Variants in STAMBP observed in about 807,000 individuals in gnomAD.
The protein encoded by STAMBP is STAM-binding protein.
In STAMBP, 31 loss-of-function variants were observed where a neutral mutation model predicts 50.7. The ratio of observed to expected loss-of-function variants is 0.61; its 90% CI spans 0.46 to 0.83. STAMBP has a LOEUF of 0.83. STAMBP is among the 40% of genes least tolerant of loss of function. The pLI is 0.00. For synonymous variants in STAMBP, 211 were observed against 192.4 expected (o/e 1.10, Z -0.80); for missense variants, 472 against 518.9 (o/e 0.91, Z 0.88).
At position 73,865,034 on chromosome 2, in the gene STAMBP, C is replaced by T. The variant is rs1224441981; in HGVS notation, c.*2775C>T. On this transcript the variant is annotated 3_prime_UTR_variant, in exon 10 of 10. Transcript: ENST00000394070. Reference sequence around the variant, plus strand: ...GAGAAACATTCCCTTGGGCCAGTGTCATGGTGGATTTTCTTGCTTGAGAGG... The same window carrying T: ...GAGAAACATTCCCTTGGGCCAGTGTTATGGTGGATTTTCTTGCTTGAGAGG... The T allele has an allele frequency of 6.6e-6, 1 of 152,242 alleles. No individual in the cohort carries two copies. Among genetic ancestry groups the T allele is most frequent in the Non-Finnish European group, 1.5e-5 (1 of 68,048 alleles). The allele number at this position is 152,242 out of a possible 1,614,324, so 9.4% of individuals were successfully genotyped here. A position where few individuals can be genotyped will look rare whatever the true frequency, so the allele number is the denominator to read the frequency against.
At chr2:73,869,424 A>G (rs544727289), downstream of STAMBP, among the ~76,000 whole-genome samples, 2 of 152,356 alleles carry the variant, frequency 1.3e-5, no homozygotes, top group South Asian at 4.1e-4. Flanking sequence ...TGAGAGAAAG[A>G]CAATGTTTTA....
rs1674421436 is a variant in STAMBP, at chr2:73,834,239, ATATATATATAT to A, written c.203+3181_203+3191del. On this transcript the variant is annotated intron_variant, in intron 2 of 9. Coordinates refer to ENST00000394070, the MANE Select transcript of STAMBP (RefSeq NM_213622.4). The stretch of plus-strand genomic sequence containing the variant: ...AAAAAAAAAAAAAAAAAAAAAAAAT[ATATATATATAT>A]ATATATATATATATATATATATATA... 8.2e-3 allele frequency among the ~76,000 whole-genome samples: 127 copies of A among 15,526 alleles called. 1 individual carries two copies. Among genetic ancestry groups the A allele is most frequent in the Middle Eastern group, 0.11 (2 of 18 alleles). 10.2% of individuals were successfully genotyped at this position (15,526 alleles called of 152,430 possible).
At chr2:73,849,256 G>C in intron 5 of STAMBP, 107 bp from the exon 6 acceptor site, 1 of 1,551,160 alleles carries the variant, frequency 6.4e-7, no homozygotes, top group Non-Finnish European at 8.8e-7. Context: ...CTGAAGTTGG[G>C]GGAATCCCAG....
chr2:73,873,089 C>T (rs1679263320), intron 10 of STAMBP, among the ~76,000 whole-genome samples: 1 of 152,130 alleles, frequency 6.6e-6, no homozygotes, highest in South Asian at 2.1e-4. Flanking sequence ...GCAACATAGT[C>T]CAGCTGAGAC....
intron 2 of STAMBP, among the ~76,000 whole-genome samples, chr2:73,839,126 T>C (rs1412148883): frequency 6.6e-6 from 1 of 152,232 alleles, no homozygotes; most frequent in Non-Finnish European, 1.5e-5. Flanking sequence ...GTGGATACTT[T>C]CTTTACTTCA....
intron 1 of STAMBP, among the ~76,000 whole-genome samples, chr2:73,829,965 TG>T (rs1398426299): frequency 6.6e-6 from 1 of 152,252 alleles, no homozygotes; most frequent in Non-Finnish European, 1.5e-5. Context: ...TAGAGCATAC[TG>T]ATTAGGGTTT....
downstream of STAMBP, among the ~76,000 whole-genome samples, chr2:73,867,852 C>T (rs961616261): frequency 6.6e-6 from 1 of 151,960 alleles, no homozygotes; most frequent in Admixed American, 6.6e-5. Context: ...TGGCCAGGTG[C>T]GGTGGCTTAC....
chr2:73,837,630 A>G (rs1346862476), intron 2 of STAMBP, among the ~76,000 whole-genome samples: 2 of 151,572 alleles, frequency 1.3e-5, no homozygotes, highest in Non-Finnish European at 2.9e-5. Context: ...TTAATACAGA[A>G]GAATATATCA....
At position 73,830,881 on chromosome 2, in the gene STAMBP, C is replaced by T; in HGVS notation, c.25C>T (p.Leu9Phe). Residue 9 changes from leucine (L) to phenylalanine (F), a missense_variant, in exon 2 of 10, where the codon CTC becomes TTC. Transcript: ENST00000394070. ...GATGTCTGACCATGGAGATGTGAGCCTCCCGCCCGAAGACCGGGTGAGGGC... is the reference window on the plus strand; with the variant it reads ...GATGTCTGACCATGGAGATGTGAGCTTCCCGCCCGAAGACCGGGTGAGGGC... MSDHGDVS[L>F]PPEDRVRALS... The T allele has an allele frequency of 8.1e-6, 13 of 1,613,428 alleles. No homozygotes were observed. The highest frequency in any genetic ancestry group is 1.1e-5 in the Non-Finnish European group (13 of 1,179,992).
At chr2:73,840,019 C>G (rs975850139) in intron 2 of STAMBP, among the ~76,000 whole-genome samples, 4 of 152,204 alleles carry the variant, frequency 2.6e-5, no homozygotes, top group African/African-American at 9.6e-5. Flanking sequence ...GCTGCTGTAT[C>G]TAAAATTTCA....
In STAMBP at chr2:73,850,502, G is replaced by T; in HGVS notation, c.994G>T (p.Gly332Cys). ...GGATCAGCAGGGCCTCATCACACTGGGCTGGATTCATGTAAGCAATTCTGA... is the reference window on the plus strand; with the variant it reads ...GGATCAGCAGGGCCTCATCACACTGTGCTGGATTCATGTAAGCAATTCTGA... ...IQDQQGLITLGWIHTHPTQTA... is the reference protein window; with the variant it reads ...IQDQQGLITLCWIHTHPTQTA... Residue 332 changes from glycine (G) to cysteine (C), a missense_variant, in exon 7 of 10, where the codon GGC becomes TGC. Gly to Cys is a radical substitution (Grantham distance 159). Coordinates refer to ENST00000394070, the MANE Select transcript of STAMBP (RefSeq NM_213622.4). The surrounding 1 kb of genome is among the most constrained non-coding windows in gnomAD (Gnocchi z 4.3). 1.9e-6 allele frequency: 3 copies of T among 1,613,216 alleles called. No individual in the cohort carries two copies. Among genetic ancestry groups the T allele is most frequent in the Non-Finnish European group, 2.5e-6 (3 of 1,179,638 alleles).
At position 73,849,400 on chromosome 2, in the gene STAMBP, T is replaced by C; in HGVS notation, c.780T>C (p.Pro260=). 1 of 1,613,910 alleles carries C rather than the reference T, an allele frequency of 6.2e-7. No individual in the cohort carries two copies. The highest frequency in any genetic ancestry group is 8.5e-7 in the Non-Finnish European group (1 of 1,179,954). Residue 260 remains proline (P), a synonymous_variant, in exon 6 of 10, where the codon CCT becomes CCC. Transcript: ENST00000394070. ...TIDGLRHVVV[P]GRLCPQFLQL... Reference sequence around the variant, plus strand: ...ATGGATTGCGCCATGTGGTGGTGCCTGGGCGGCTGTGCCCACAGTTTCTCC... The same window carrying C: ...ATGGATTGCGCCATGTGGTGGTGCCCGGGCGGCTGTGCCCACAGTTTCTCC...
chr2:73,833,169 T>G (rs13425917), intron 2 of STAMBP, among the ~76,000 whole-genome samples: 5,572 of 152,322 alleles, frequency 0.037, 333 homozygotes, highest in African/African-American at 0.12. Context: ...TTTGGCAGGC[T>G]TTAGCCTCCA....
Position 73,862,907 on chromosome 2 carries a change from C to T in STAMBP, c.*648C>T, listed in dbSNP as rs1396618403. On this transcript the variant is annotated 3_prime_UTR_variant, in exon 10 of 10. Transcript: ENST00000394070. ...TTATGTTTTTGTGCTTCAGAGTGAT[C>T]CATTTGATCAAGCATTGTATAAACA... is the stretch of plus-strand genomic sequence containing the variant. The T allele has an allele frequency of 6.6e-6, 1 of 151,640 alleles. No homozygotes were observed. The highest frequency in any genetic ancestry group is 1.5e-5 in the Non-Finnish European group (1 of 67,980). 9.4% of individuals were successfully genotyped at this position (151,640 alleles called of 1,614,324 possible). A position where few individuals can be genotyped will look rare whatever the true frequency, so the allele number is the denominator to read the frequency against.
Position 73,844,861 on chromosome 2 carries a change from C to A in STAMBP, c.252C>A (p.Val84=). The change falls in exon 3 of 10, where the codon GTC becomes GTA. Residue 84 remains valine, a synonymous_variant. Coordinates refer to ENST00000394070, the MANE Select transcript of STAMBP (RefSeq NM_213622.4). ...AACATCGAGATTACAAATCTGCTGT[C>A]ATTCCTGAAAAGAAAGACACAGTAA... ...LPKHRDYKSA[V]IPEKKDTVKK... is the part of the protein sequence containing the mutation. The A allele has an allele frequency of 6.2e-7, 1 of 1,613,998 alleles. No homozygotes were observed. The highest frequency in any genetic ancestry group is 1.1e-5 in the South Asian group (1 of 91,058).
intron 2 of STAMBP, 125 bp from the exon 3 acceptor site, chr2:73,844,688 T>G (rs781099282): frequency 2.7e-5 from 19 of 703,616 alleles, no homozygotes; most frequent in Non-Finnish European, 4.5e-5. Context: ...GTGTATTAGC[T>G]CTCCCTCCGC....
chr2:73,839,804 T>C (rs1675154561), intron 2 of STAMBP, among the ~76,000 whole-genome samples: 1 of 152,208 alleles, frequency 6.6e-6, no homozygotes, highest in South Asian at 2.1e-4. Flanking sequence ...CCTTAAAGCA[T>C]CAATGGGATC....
At chr2:73,861,599 G>T (rs1252365110) in intron 9 of STAMBP, among the ~76,000 whole-genome samples, 1 of 151,766 alleles carries the variant, frequency 6.6e-6, no homozygotes, top group African/African-American at 2.4e-5. Flanking sequence ...GCTCACTGCA[G>T]CCTCTGCCCC....
chr2:73,848,618 AC>A (rs1238217513), intron 5 of STAMBP, among the ~76,000 whole-genome samples: 2 of 152,208 alleles, frequency 1.3e-5, no homozygotes, highest in African/African-American at 4.8e-5. Flanking sequence ...AAAGTCCAAG[AC>A]CCAGGGGCCT....
Sources: allele counts gnomAD v4.1 joint callset (sites outside exome capture counted in the v4.1 genomes callset), GRCh38; gene constraint gnomAD v4.1.1; non-coding constraint Gnocchi (gnomAD v3.1); transcripts MANE v1.5; gene names NCBI Gene and HGNC (gene_info 2026-07-23, HGNC 2026-07-21).